Variants in SECISBP2L observed in about 807,000 individuals in gnomAD.
SECISBP2L encodes SECIS binding protein 2 like.
In SECISBP2L, 43 loss-of-function variants were observed where a neutral mutation model predicts 114.7. The ratio of observed to expected loss-of-function variants is 0.38; its 90% CI spans 0.29 to 0.48. The LOEUF (loss-of-function observed/expected upper bound fraction) is 0.48, where lower values mean the gene tolerates loss of function less well. Among genes scored for constraint, SECISBP2L ranks in the 20% least tolerant of loss-of-function variants. SECISBP2L has a pLI of 0.98. For synonymous variants in SECISBP2L, 451 were observed against 439.7 expected, an observed-to-expected ratio of 1.03 and a Z score of -0.32; for missense variants, 1,136 against 1,301.1, an observed-to-expected ratio of 0.87 and a Z score of 1.95.
Position 49,032,945 on chromosome 15 carries a change from T to C in SECISBP2L, c.664+20A>G, listed in dbSNP as rs746426312. ...AACAGATAAAAATCAGTGACGCACA[T>C]GTAAGAACCCTTGCCTTACCAGTTT... On this transcript the variant is annotated intron_variant, in intron 4 of 17. Coordinates refer to ENST00000559471, the MANE Select transcript of SECISBP2L (RefSeq NM_001193489.2). 2 of 1,612,020 alleles carry C rather than the reference T, an allele frequency of 1.2e-6. No homozygotes were observed. The highest frequency in any genetic ancestry group is 1.1e-5 in the South Asian group (1 of 90,558).
At chr15:49,009,159 A>G in intron 14 of SECISBP2L, 57 bp downstream of exon 14, 1 of 1,547,102 alleles carries the variant, frequency 6.5e-7, no homozygotes, top group Non-Finnish European at 8.8e-7. Context: ...TACTAAATTC[A>G]GAACTACAAT....
intron 13 of SECISBP2L, among the ~76,000 whole-genome samples, chr15:49,010,634 C>T (rs1393830054): frequency 6.6e-6 from 1 of 152,088 alleles, no homozygotes; most frequent in Admixed American, 6.5e-5. Context: ...CTTCAGTCCC[C>T]CAAGTAGCTT....
chr15:49,010,876 A>G (rs190289958), intron 13 of SECISBP2L, among the ~76,000 whole-genome samples: 16 of 152,286 alleles, frequency 1.1e-4, no homozygotes, highest in African/African-American at 3.4e-4. Flanking sequence ...TGTCTACTAT[A>G]TATCTTTATT....
chr15:49,019,955 A>G (rs1595789860), intron 7 of SECISBP2L, among the ~76,000 whole-genome samples: 1 of 152,206 alleles, frequency 6.6e-6, no homozygotes, highest in Admixed American at 6.5e-5. Flanking sequence ...AGAACCATGG[A>G]AGTGAAAAAG....
At chr15:49,026,922 CTCTG>C (rs1187802975) in intron 7 of SECISBP2L, among the ~76,000 whole-genome samples, 8 of 152,192 alleles carry the variant, frequency 5.3e-5, no homozygotes, top group African/African-American at 1.7e-4. Context: ...CAGGAAACTG[CTCTG>C]TCTGACTACC....
intron 11 of SECISBP2L, among the ~76,000 whole-genome samples, chr15:49,013,872 G>C (rs146435577): frequency 1.1e-4 from 17 of 151,942 alleles, no homozygotes; most frequent in South Asian, 4.2e-4. Context: ...TGCATCTTTC[G>C]AGTTCCTCCC....
Position 48,996,372 on chromosome 15 carries a change from T to G in SECISBP2L, c.2618A>C (p.Glu873Ala). 1 of 1,613,732 alleles carries G rather than the reference T, an allele frequency of 6.2e-7. No homozygotes were observed. Among genetic ancestry groups the G allele is most frequent in the Non-Finnish European group, 8.5e-7 (1 of 1,179,688 alleles). Reference protein sequence around the residue: ...SEPISEVNEKEYETNWRNMVE... With the variant: ...SEPISEVNEKAYETNWRNMVE... ...AATAGTATTCAACAACTTACCATAT[T>G]CCTTTTCATTTACTTCAGAGATCGG... Residue 873 changes from glutamate to alanine, a missense_variant, in exon 17 of 18, where the codon GAA becomes GCA. Physicochemically the swap from Glu to Ala is moderately radical, Grantham distance 107. This residue lies in a region of SECISBP2L where 684 missense variants were observed against 848.7 expected (regional missense o/e 0.81). Transcript: ENST00000559471.
Position 49,035,439 on chromosome 15 carries a change from A to G in SECISBP2L, c.423T>C (p.Asn141=), listed in dbSNP as rs887986047. The change falls in exon 3 of 18, where the codon AAT becomes AAC. Residue 141 remains asparagine, a synonymous_variant. Transcript: ENST00000559471. The stretch of plus-strand genomic sequence containing the variant: ...GCTCAGTGCATTCTGTGGTGATAGC[A>G]TTTACAGTATTTGCAGCCTGAAAGG... ...SNTFQAANTV[N]AITTECTERP... 1 of 1,614,194 alleles carries G rather than the reference A, an allele frequency of 6.2e-7. No individual in the cohort carries two copies. The highest frequency in any genetic ancestry group is 1.7e-5 in the Admixed American group (1 of 60,024).
intron 4 of SECISBP2L, 142 bp from the exon 5 acceptor site, chr15:49,028,824 TA>T (rs1455219949): frequency 3.1e-5 from 22 of 707,664 alleles, no homozygotes; most frequent in Non-Finnish European, 4.4e-5. Flanking sequence ...AAAAGGTCAT[TA>T]AAAGGTAAGA....
At chr15:49,003,422 C>T (rs1426821156) in intron 14 of SECISBP2L, among the ~76,000 whole-genome samples, 1 of 152,134 alleles carries the variant, frequency 6.6e-6, no homozygotes, top group Non-Finnish European at 1.5e-5. Context: ...TATTTGAATA[C>T]CCTTTATTTC....
intron 1 of SECISBP2L, among the ~76,000 whole-genome samples, chr15:49,039,477 C>T (rs1317626228): frequency 6.6e-6 from 1 of 150,702 alleles, no homozygotes; most frequent in Non-Finnish European, 1.5e-5. Flanking sequence ...ACTGAAATCA[C>T]AGTTTAACTG....
intron 11 of SECISBP2L, among the ~76,000 whole-genome samples, chr15:49,014,618 A>T (rs143718546): frequency 6.6e-6 from 1 of 152,202 alleles, no homozygotes; most frequent in East Asian, 1.9e-4. Context: ...TGGAGTCATC[A>T]CTGACCTGTT....
chr15:48,994,524 C>A (rs1595780338), intron 17 of SECISBP2L, among the ~76,000 whole-genome samples: 1 of 152,190 alleles, frequency 6.6e-6, no homozygotes, highest in African/African-American at 2.4e-5. Flanking sequence ...ATAGGCCACA[C>A]ACTCCATGCT....
At chr15:49,033,216 A>G in intron 3 of SECISBP2L, 116 bp from the exon 4 acceptor site, 2 of 1,236,066 alleles carry the variant, frequency 1.6e-6, no homozygotes, top group East Asian at 2.5e-5. Context: ...GTGTATGTTC[A>G]CAATTCTTGG....
At chr15:49,011,260 G>C (rs1902431857) in intron 13 of SECISBP2L, among the ~76,000 whole-genome samples, 1 of 152,140 alleles carries the variant, frequency 6.6e-6, no homozygotes. Context: ...CTTACTGTAT[G>C]ACACTGAATC....
chr15:49,012,534 A>T, intron 12 of SECISBP2L, 114 bp downstream of exon 12: 1 of 1,044,034 alleles, frequency 9.6e-7, no homozygotes, highest in Non-Finnish European at 1.4e-6. Context: ...ATTCATGTGT[A>T]TGAATACTTC....
In SECISBP2L at chr15:49,004,295, T is replaced by A. The variant is rs555600389; in HGVS notation, c.2028-3198A>T. ...GGGATCAGTTGTGATCTTCCCTTTA[T>A]CATTTTTTATTGTGTCTATTTGATT... is the stretch of plus-strand genomic sequence containing the variant. On this transcript the variant is annotated intron_variant, in intron 14 of 17. Transcript: ENST00000559471. Among the ~76,000 whole-genome samples the A allele has an allele frequency of 3.5e-4, 54 of 152,322 alleles. No homozygotes were observed. In the South Asian group the frequency reaches 6.0e-3, roughly 17 times the overall value.
In SECISBP2L at chr15:49,035,589, A is replaced by G. The variant is rs761342744; in HGVS notation, c.273T>C (p.Phe91=). The change falls in exon 3 of 18, where the codon TTT becomes TTC. Residue 91 remains phenylalanine (F), a synonymous_variant. Transcript: ENST00000559471. Reference sequence around the variant, plus strand: ...GCTGAGCAGATATAATGGGATAGGCAAAGTATGGTCCAGTAGGGTTTGGAT... The same window carrying G: ...GCTGAGCAGATATAATGGGATAGGCGAAGTATGGTCCAGTAGGGTTTGGAT... The part of the protein sequence containing the change: ...QPNPNPTGPY[F]AYPIISAQPP... The G allele has an allele frequency of 1.2e-6, 2 of 1,614,104 alleles. No individual in the cohort carries two copies. Among genetic ancestry groups the G allele is most frequent in the Non-Finnish European group, 1.7e-6 (2 of 1,180,044 alleles).
chr15:49,008,474 C>T (rs1902367651), intron 14 of SECISBP2L, among the ~76,000 whole-genome samples: 1 of 152,072 alleles, frequency 6.6e-6, no homozygotes, highest in Non-Finnish European at 1.5e-5. Flanking sequence ...ACATTTTATC[C>T]CCCAAGTGTT....
Sources: allele counts gnomAD v4.1 joint callset (sites outside exome capture counted in the v4.1 genomes callset), GRCh38; gene constraint gnomAD v4.1.1; regional missense constraint gnomAD v4.1.1; transcripts MANE v1.5; gene names NCBI Gene and HGNC (gene_info 2026-07-23, HGNC 2026-07-21).